Variants in CDK14 observed in about 807,000 individuals in gnomAD.
CDK14 encodes cyclin-dependent kinase 14.
In CDK14, 34 loss-of-function variants were observed where a neutral mutation model predicts 60.7. The observed-to-expected ratio is 0.56, with a 90% CI of 0.43 to 0.75. The LOEUF is 0.75. CDK14 is among the 30% of genes least tolerant of loss of function. The pLI is 0.00. For missense variants in CDK14, 482 were observed against 564.1 expected (o/e 0.85, Z 1.47); for synonymous variants, 197 against 203.7 (o/e 0.97, Z 0.28).
chr7:90,615,136 A>T (rs1799624173), intron 2 of CDK14, among the ~76,000 whole-genome samples: 1 of 152,202 alleles, frequency 6.6e-6, no homozygotes, highest in African/African-American at 2.4e-5. Flanking sequence ...GTTGAAAAAA[A>T]ATTTTAAGGT....
At chr7:90,972,603 C>A (rs779571809) in intron 9 of CDK14, among the ~76,000 whole-genome samples, 12 of 152,122 alleles carry the variant, frequency 7.9e-5, no homozygotes, top group Admixed American at 6.6e-4. Flanking sequence ...TTTCAGTGAA[C>A]CATGGCTAAA....
At chr7:90,600,262 T>C (rs1387429381) in intron 1 of CDK14, among the ~76,000 whole-genome samples, 1 of 152,210 alleles carries the variant, frequency 6.6e-6, no homozygotes, top group Non-Finnish European at 1.5e-5. Context: ...CAAAGACAAA[T>C]GGGAATTTAA....
intron 11 of CDK14, among the ~76,000 whole-genome samples, chr7:91,076,904 A>G (rs966448891): frequency 6.6e-6 from 1 of 152,232 alleles, no homozygotes; most frequent in African/African-American, 2.4e-5. Flanking sequence ...AAAAAGTTCA[A>G]CATCACTGAT....
intron 14 of CDK14, among the ~76,000 whole-genome samples, chr7:91,159,012 A>C (rs1801081203): frequency 6.6e-6 from 1 of 152,224 alleles, no homozygotes; most frequent in East Asian, 1.9e-4. Flanking sequence ...AAAAATGTCT[A>C]TTTCAATGTT....
In CDK14 at chr7:91,118,244, A is replaced by G. The variant is rs999168944; in HGVS notation, c.*28+36A>G. 2 of 957,690 alleles carry G rather than the reference A, an allele frequency of 2.1e-6. 1 individual carries two copies. Among genetic ancestry groups the G allele is most frequent in the Admixed American group, 3.9e-5 (2 of 50,902 alleles). The allele number at this position is 957,690 out of a possible 1,614,324, so 59.3% of individuals were successfully genotyped here. A position where few individuals can be genotyped will look rare whatever the true frequency, so the allele number is the denominator to read the frequency against. On this transcript the variant is annotated intron_variant, in intron 14 of 14. Coordinates refer to ENST00000380050, the MANE Select transcript of CDK14 (RefSeq NM_001287135.2). Reference sequence around the variant, plus strand: ...CTGCTTTACCTGGAAAGTAATATTTAATGGATATTGAACGGATTCTTTAAG... The same window carrying G: ...CTGCTTTACCTGGAAAGTAATATTTGATGGATATTGAACGGATTCTTTAAG...
chr7:91,149,608 G>T (rs1562972048), intron 14 of CDK14, among the ~76,000 whole-genome samples: 1 of 152,308 alleles, frequency 6.6e-6, no homozygotes, highest in East Asian at 1.9e-4. Context: ...GCTGACAAAA[G>T]CTTGTTCTTG....
At chr7:91,008,127 C>CAA (rs56082719) in intron 10 of CDK14, among the ~76,000 whole-genome samples, 1,155 of 62,460 alleles carry the variant, frequency 0.018, 74 homozygotes, top group African/African-American at 0.052. Context: ...GGGAGAAGGC[C>CAA]AAAAAAAAAA....
intron 14 of CDK14, among the ~76,000 whole-genome samples, chr7:91,136,094 A>G (rs967253683): frequency 1.3e-5 from 2 of 152,158 alleles, no homozygotes; most frequent in African/African-American, 4.8e-5. Flanking sequence ...GCATTTTCTG[A>G]TACAAAGTGT....
intron 2 of CDK14, among the ~76,000 whole-genome samples, chr7:90,617,936 A>C (rs1799687703): frequency 6.6e-6 from 1 of 152,206 alleles, no homozygotes; most frequent in Non-Finnish European, 1.5e-5. Context: ...ATGATGAGAA[A>C]ACTGCTGTGT....
At chr7:90,737,648 G>A (rs1037402130) in intron 3 of CDK14, among the ~76,000 whole-genome samples, 5 of 152,188 alleles carry the variant, frequency 3.3e-5, no homozygotes, top group African/African-American at 1.2e-4. Flanking sequence ...ACCTTAGTGT[G>A]GCTGTAATAG....
chr7:90,650,673 T>G (rs563515587), intron 2 of CDK14, among the ~76,000 whole-genome samples: 74 of 152,366 alleles, frequency 4.9e-4, no homozygotes, highest in Non-Finnish European at 9.4e-4. Flanking sequence ...GCTTTCTACA[T>G]ATGGCTAGCC....
At chr7:90,872,295 A>G (rs1048856480) in intron 6 of CDK14, among the ~76,000 whole-genome samples, 1 of 152,200 alleles carries the variant, frequency 6.6e-6, no homozygotes, top group African/African-American at 2.4e-5. Flanking sequence ...TGTTTCATAT[A>G]TGGAGAACTA....
intron 11 of CDK14, among the ~76,000 whole-genome samples, chr7:91,069,832 T>G (rs1380971909): frequency 6.6e-6 from 1 of 152,218 alleles, no homozygotes; most frequent in Non-Finnish European, 1.5e-5. Context: ...GGTCTTGCTC[T>G]GTCACTCAGG....
At chr7:91,083,674 C>A (rs1376999883) in intron 12 of CDK14, among the ~76,000 whole-genome samples, 1 of 152,130 alleles carries the variant, frequency 6.6e-6, no homozygotes, top group Non-Finnish European at 1.5e-5. Flanking sequence ...TAGAAAGCAG[C>A]TCTTCTAGGA....
chr7:90,785,474 A>C (rs546128380), intron 4 of CDK14, among the ~76,000 whole-genome samples: 1 of 152,296 alleles, frequency 6.6e-6, no homozygotes, highest in African/African-American at 2.4e-5. Context: ...GCAGAACATT[A>C]AATGAACAAA....
At chr7:91,054,213 A>G (rs1398301380) in intron 11 of CDK14, among the ~76,000 whole-genome samples, 2 of 150,774 alleles carry the variant, frequency 1.3e-5, no homozygotes, top group African/African-American at 2.4e-5. Context: ...GATAGCAACT[A>G]TAATGATTAT....
At chr7:90,672,393 C>T (rs992926768) in intron 2 of CDK14, among the ~76,000 whole-genome samples, 9 of 149,470 alleles carry the variant, frequency 6.0e-5, no homozygotes, top group Non-Finnish European at 5.9e-5. Flanking sequence ...TTTAAAAAAA[C>T]ACATGGAGTC....
At chr7:91,066,764 C>T (rs745720341) in intron 11 of CDK14, among the ~76,000 whole-genome samples, 28 of 152,158 alleles carry the variant, frequency 1.8e-4, no homozygotes, top group Non-Finnish European at 5.9e-5. Context: ...ACGTGCATGG[C>T]GGTTTGAGAG....
chr7:90,868,211 T>A (rs1262266514), intron 6 of CDK14, among the ~76,000 whole-genome samples: 1 of 151,798 alleles, frequency 6.6e-6, no homozygotes, highest in Non-Finnish European at 1.5e-5. Flanking sequence ...GTAATAAACA[T>A]ATCCATTACT....
Sources: gnomAD v4.1 joint callset for allele counts (sites outside exome capture counted in the v4.1 genomes callset) on GRCh38, gnomAD v4.1.1 for gene constraint, MANE v1.5 for transcripts, NCBI Gene and HGNC (gene_info 2026-07-23, HGNC 2026-07-21) for gene names.